AR: variants seen among roughly 807,000 people sequenced by gnomAD.
AR encodes the protein dihydrotestosterone receptor.
Under a neutral mutation model 53.9 loss-of-function variants are expected in AR, and 8 were observed. The ratio of observed to expected loss-of-function variants is 0.15; its 90% CI spans 0.09 to 0.27. AR has a LOEUF of 0.27. AR is among the 10% of genes least tolerant of loss of function. The probability of loss-of-function intolerance (pLI) is 1.00; values close to 1 mark genes in which losing one functional copy is unlikely to be tolerated. For synonymous variants in AR, 359 were observed against 316.4 expected, an observed-to-expected ratio of 1.13 and a Z score of -1.43; for missense variants, 639 against 742.5, an observed-to-expected ratio of 0.86 and a Z score of 1.62.
chrX:67,723,889 A>G lies in AR; in HGVS notation c.*48A>G, dbSNP rs1384934385. 4 of 1,190,551 alleles carry G rather than the reference A, an allele frequency of 3.4e-6. No individual in the cohort carries two copies. The highest frequency in any genetic ancestry group is 3.4e-6 in the Non-Finnish European group (3 of 883,432). On this transcript the variant is annotated 3_prime_UTR_variant, in exon 8 of 8. Coordinates refer to ENST00000374690, the MANE Select transcript of AR (RefSeq NM_000044.6). Reference sequence around the variant, plus strand: ...CACCCCAGCTCATGCCCCCTTTCAGATGTCTTCTGCCTGTTATAACTCTGC... The same window carrying G: ...CACCCCAGCTCATGCCCCCTTTCAGGTGTCTTCTGCCTGTTATAACTCTGC...
Position 67,545,972 on chromosome X carries a change from C to G in AR, c.826C>G (p.Pro276Ala), listed in dbSNP as rs767367214. The stretch of plus-strand genomic sequence containing the variant: ...CATGTACGCCCCACTTTTGGGAGTT[C>G]CACCCGCTGTGCGTCCCACTCCTTG... The part of the protein sequence containing the change: ...DCMYAPLLGV[P>A]PAVRPTPCAP... The change falls in exon 1 of 8, where the codon CCA becomes GCA. Residue 276 changes from proline to alanine, a missense_variant. Around this residue, in one of 5 missense-constraint regions of AR, gnomAD observed 423 missense variants for 377.0 expected, o/e 1.12. Transcript: ENST00000374690. 8.3e-7 allele frequency: 1 copy of G among 1,210,990 alleles called. No individual in the cohort carries two copies. Among genetic ancestry groups the G allele is most frequent in the Admixed American group, 2.2e-5 (1 of 45,968 alleles).
intron 3 of AR, among the ~76,000 whole-genome samples, chrX:67,692,485 G>T (rs1328301963): frequency 6.3e-5 from 7 of 111,747 alleles, no homozygotes; most frequent in Non-Finnish European, 1.1e-4. Context: ...TTTTTGTTTG[G>T]TTGGTTTTTG....
intron 2 of AR, among the ~76,000 whole-genome samples, chrX:67,675,385 T>G (rs775390941): frequency 1.8e-5 from 2 of 111,260 alleles, no homozygotes; most frequent in African/African-American, 3.3e-5. Context: ...TTGCAATTCT[T>G]GTGGCTTACA....
In AR at chrX:67,727,178, T is replaced by C; in HGVS notation, c.*3337T>C. On this transcript the variant is annotated 3_prime_UTR_variant, in exon 8 of 8. Transcript: ENST00000374690. ...TTGTTTCATAGCTTTTTCTATGCCA[T>C]AGGCAATATTGTTGTTCTTGGAAAG... is the stretch of plus-strand genomic sequence containing the variant. 1 of 170,618 alleles carries C rather than the reference T, an allele frequency of 5.9e-6. No individual in the cohort carries two copies. The highest frequency in any genetic ancestry group is 1.1e-5 in the Non-Finnish European group (1 of 88,221). 14.1% of individuals were successfully genotyped at this position (170,618 alleles called of 1,213,427 possible).
intron 3 of AR, among the ~76,000 whole-genome samples, chrX:67,707,028 T>C (rs1046963173): frequency 8.9e-6 from 1 of 112,200 alleles, no homozygotes; most frequent in Non-Finnish European, 1.9e-5. Flanking sequence ...TGTTATAATT[T>C]CTGTTCTTTT....
intron 1 of AR, among the ~76,000 whole-genome samples, chrX:67,638,790 G>C (rs994099119): frequency 8.9e-6 from 1 of 112,045 alleles, no homozygotes; most frequent in East Asian, 2.8e-4. Flanking sequence ...TGTTCACTCT[G>C]ATGATCGTTT....
rs112629001 is a variant in AR at position 67,664,969 on chromosome X, G to T, written c.1769-21041G>T. On this transcript the variant is annotated intron_variant, in intron 2 of 7. Coordinates refer to ENST00000374690, the MANE Select transcript of AR (RefSeq NM_000044.6). ...CGTTTGTGAAGACCATTGAAAAAGT[G>T]CAGTATTATGGTGGGAGTGACCCGA... Among the ~76,000 whole-genome samples the T allele has an allele frequency of 2.9e-3, 329 of 112,860 alleles. 1 individual carries two copies. The highest frequency in any genetic ancestry group is 0.01 in the African/African-American group (312 of 31,122).
intron 1 of AR, among the ~76,000 whole-genome samples, chrX:67,625,570 G>A (rs1375818994): frequency 9.0e-6 from 1 of 111,508 alleles, no homozygotes; most frequent in Non-Finnish European, 1.9e-5. Context: ...TCAATAAATG[G>A]AATACTATTG....
intron 1 of AR, among the ~76,000 whole-genome samples, chrX:67,628,990 C>G (rs1006543418): frequency 9.8e-5 from 11 of 111,722 alleles, no homozygotes; most frequent in Non-Finnish European, 1.5e-4. Flanking sequence ...ATGAAGCCCA[C>G]TTGATCATGG....
chrX:67,586,785 A>T (rs1922566969), intron 1 of AR, among the ~76,000 whole-genome samples: 1 of 111,837 alleles, frequency 8.9e-6, no homozygotes, highest in South Asian at 3.8e-4. Flanking sequence ...GGCCCCAAAC[A>T]TAGTTAATGA....
At chrX:67,671,578 G>T (rs1444335335) in intron 2 of AR, among the ~76,000 whole-genome samples, 2 of 111,851 alleles carry the variant, frequency 1.8e-5, no homozygotes, top group Non-Finnish European at 3.8e-5. Context: ...AGTTTCTTCT[G>T]CTGTGCAGAA....
intron 1 of AR, among the ~76,000 whole-genome samples, chrX:67,556,930 C>A (rs1169848181): frequency 9.0e-6 from 1 of 110,996 alleles, no homozygotes; most frequent in Non-Finnish European, 1.9e-5. Flanking sequence ...GGATGGTAGA[C>A]AATGAGATCA....
At chrX:67,689,485 ATACT>A in intron 3 of AR, 1 of 695,430 alleles carries the variant, frequency 1.4e-6, no homozygotes, top group Non-Finnish European at 1.9e-6. Context: ...CAGTTCAGAG[ATACT>A]TAATAGATAT....
At chrX:67,693,852 T>G (rs1254925595) in intron 3 of AR, among the ~76,000 whole-genome samples, 1 of 112,327 alleles carries the variant, frequency 8.9e-6, no homozygotes, top group Non-Finnish European at 1.9e-5. Context: ...GAAATATATT[T>G]TCCCTTGCTT....
rs2076147805 is a variant in AR at position 67,723,881 on chromosome X, C to T, written c.*40C>T. The T allele has an allele frequency of 1.7e-6, 2 of 1,200,069 alleles. No individual in the cohort carries two copies. Among genetic ancestry groups the T allele is most frequent in the Non-Finnish European group, 1.1e-6 (1 of 889,141 alleles). On this transcript the variant is annotated 3_prime_UTR_variant, in exon 8 of 8. Coordinates refer to ENST00000374690, the MANE Select transcript of AR (RefSeq NM_000044.6). ...TATTTCCCCACCCCAGCTCATGCCCCCTTTCAGATGTCTTCTGCCTGTTAT... is the reference window on the plus strand; with the variant it reads ...TATTTCCCCACCCCAGCTCATGCCCTCTTTCAGATGTCTTCTGCCTGTTAT...
chrX:67,613,418 G>T (rs1308200035), intron 1 of AR, among the ~76,000 whole-genome samples: 2 of 111,839 alleles, frequency 1.8e-5, no homozygotes, highest in Non-Finnish European at 3.8e-5. Flanking sequence ...CAAAAATAAT[G>T]GAGATCTTGG....
At chrX:67,700,809 A>C (rs1177942048) in intron 3 of AR, among the ~76,000 whole-genome samples, 1 of 112,070 alleles carries the variant, frequency 8.9e-6, no homozygotes, top group East Asian at 2.8e-4. Context: ...GCTTAGGTTC[A>C]CGAGTCATCA....
chrX:67,666,025 A>G (rs1044260259), intron 2 of AR, among the ~76,000 whole-genome samples: 3 of 111,708 alleles, frequency 2.7e-5, no homozygotes, highest in Non-Finnish European at 5.6e-5. Context: ...TTAATGGGGT[A>G]TCCCTCACCA....
intron 2 of AR, among the ~76,000 whole-genome samples, chrX:67,655,326 C>T (rs1926534961): frequency 9.0e-6 from 1 of 110,952 alleles, no homozygotes; most frequent in African/African-American, 3.3e-5. Context: ...TAACTAAAAG[C>T]CTCCTACTCC....
Sources: allele counts gnomAD v4.1 joint callset (sites outside exome capture counted in the v4.1 genomes callset), GRCh38; gene constraint gnomAD v4.1.1; regional missense constraint gnomAD v4.1.1; transcripts MANE v1.5; gene names NCBI Gene and HGNC (gene_info 2026-07-23, HGNC 2026-07-21).